Variants in RNASEH2B observed in about 807,000 individuals in gnomAD.
RNASEH2B encodes the protein Aicardi-Goutieres syndrome 2 protein.
In RNASEH2B, 36 loss-of-function variants were observed where a neutral mutation model predicts 45.0. The ratio of observed to expected loss-of-function variants is 0.80; its 90% confidence interval spans 0.61 to 1.06. The LOEUF (loss-of-function observed/expected upper bound fraction) is 1.06. Among genes scored for constraint, RNASEH2B ranks in the 50% least tolerant of loss-of-function variants. RNASEH2B has a pLI of 0.00. For missense variants in RNASEH2B, 361 were observed against 360.3 expected (o/e 1.00, Z -0.02); for synonymous variants, 119 against 125.7 (o/e 0.95, Z 0.35).
chr13:50,935,775 A>G (rs1166660870), intron 5 of RNASEH2B: 3 of 152,862 alleles, frequency 2.0e-5, no homozygotes, highest in Non-Finnish European at 2.9e-5. Flanking sequence ...AATGCTGGGC[A>G]TGGGTCCAGA....
At chr13:50,942,348 A>G (rs1355258258) in intron 5 of RNASEH2B, 2 of 152,220 alleles carry the variant, frequency 1.3e-5, no homozygotes, top group Non-Finnish European at 2.9e-5. Flanking sequence ...TGAGCCTACC[A>G]TAAATCTAAA....
At chr13:50,945,737 T>G (rs1055914756) in intron 7 of RNASEH2B, among the ~76,000 whole-genome samples, 2 of 152,236 alleles carry the variant, frequency 1.3e-5, no homozygotes, top group African/African-American at 4.8e-5. Context: ...CATTGATACT[T>G]AAGTTATTTA....
intron 7 of RNASEH2B, 93 bp from the exon 8 acceptor site, chr13:50,947,870 AGTGAGTTCCCTTTATCCAGATAGG>A: frequency 1.3e-6 from 2 of 1,541,592 alleles, no homozygotes; most frequent in Non-Finnish European, 1.8e-6. Context: ...CTAGAGCTTA[AGTGAGTTCCCTTTATCCAGATAGG>A]GTCAGAATTT....
At chr13:50,933,292 C>A (rs1951705333) in intron 4 of RNASEH2B, among the ~76,000 whole-genome samples, 2 of 152,192 alleles carry the variant, frequency 1.3e-5, no homozygotes, top group South Asian at 4.1e-4. Context: ...GGGGGATTAA[C>A]CCTGTCTTGG....
intron 9 of RNASEH2B, among the ~76,000 whole-genome samples, chr13:50,966,193 A>G (rs1952163159): frequency 6.6e-6 from 1 of 152,236 alleles, no homozygotes; most frequent in Admixed American, 6.5e-5. Context: ...CACATAACAC[A>G]CATAAACACA....
chr13:50,922,370 GC>G (rs1029669868), intron 1 of RNASEH2B, among the ~76,000 whole-genome samples: 19 of 152,320 alleles, frequency 1.2e-4, no homozygotes, highest in African/African-American at 4.6e-4. Flanking sequence ...ACCTGAGAGG[GC>G]CTCAGTGTCT....
At chr13:50,912,521 T>C (rs1246750710) in intron 1 of RNASEH2B, 1 of 152,200 alleles carries the variant, frequency 6.6e-6, no homozygotes, top group Non-Finnish European at 1.5e-5. Context: ...AGAATTTATA[T>C]GGTCAAGGAA....
At chr13:50,916,047 T>C (rs1026698223) in intron 1 of RNASEH2B, among the ~76,000 whole-genome samples, 3 of 152,020 alleles carry the variant, frequency 2.0e-5, no homozygotes, top group Non-Finnish European at 4.4e-5. Flanking sequence ...TTTAAATAAT[T>C]AGAATAATAA....
intron 9 of RNASEH2B, chr13:50,950,469 T>C (rs1180602045): frequency 2.0e-5 from 3 of 152,202 alleles, no homozygotes; most frequent in Admixed American, 6.5e-5. Flanking sequence ...AAAAAATGCA[T>C]GTTTTACTCT....
At chr13:50,938,410 T>C (rs919721753) in intron 5 of RNASEH2B, 6 of 151,476 alleles carry the variant, frequency 4.0e-5, no homozygotes, top group African/African-American at 1.5e-4. Flanking sequence ...GCCAGCTCCA[T>C]TTTTTTTTCT....
rs558373695 is a variant in RNASEH2B at position 50,941,893 on chromosome 13, C to G, written c.437-1428C>G. The G allele has an allele frequency of 5.2e-5, 8 of 152,436 alleles. No individual in the cohort carries two copies. The East Asian group carries it at 1.5e-3, about 29-fold the overall frequency. The allele number at this position is 152,436 out of a possible 1,614,324, so 9.4% of individuals were successfully genotyped here. ...TGGCTGCAGATGTCCAGCCCCCAAT[C>G]CATCCTGCCTCATCTTGCCTGCAGC... On this transcript the variant is annotated intron_variant, in intron 5 of 10. Transcript: ENST00000336617.
chr13:50,940,514 G>A (rs1157248259), intron 5 of RNASEH2B, among the ~76,000 whole-genome samples: 1 of 152,126 alleles, frequency 6.6e-6, no homozygotes, highest in African/African-American at 2.4e-5. Flanking sequence ...AATAATATTG[G>A]CTCCTTTTCT....
chr13:50,959,216 T>TA (rs1333138524), downstream of RNASEH2B, among the ~76,000 whole-genome samples: 1 of 152,174 alleles, frequency 6.6e-6, no homozygotes, highest in Non-Finnish European at 1.5e-5. Flanking sequence ...TTCTATAACT[T>TA]AAGGACATTA....
At chr13:50,919,538 G>C (rs1416311940) in intron 1 of RNASEH2B, among the ~76,000 whole-genome samples, 1 of 152,188 alleles carries the variant, frequency 6.6e-6, no homozygotes, top group Non-Finnish European at 1.5e-5. Context: ...AGATGACTCT[G>C]CTGGTTTTTG....
chr13:50,917,650 T>C (rs996328304), intron 1 of RNASEH2B, among the ~76,000 whole-genome samples: 3 of 152,214 alleles, frequency 2.0e-5, no homozygotes, highest in African/African-American at 7.2e-5. Flanking sequence ...TCAAGTAATC[T>C]GTCAACATAC....
intron 1 of RNASEH2B, chr13:50,913,048 G>A (rs1879515451): frequency 6.6e-6 from 1 of 152,200 alleles, no homozygotes; most frequent in South Asian, 2.1e-4. Flanking sequence ...TCTGGAACTT[G>A]GAAGAGATAC....
At chr13:50,937,334 A>G (rs1179801969) in intron 5 of RNASEH2B, 2 of 152,200 alleles carry the variant, frequency 1.3e-5, no homozygotes, top group East Asian at 3.9e-4. Context: ...CAATCTTCCT[A>G]CCTCAGCCTC....
At chr13:50,949,398 CCT>C in intron 8 of RNASEH2B, 63 bp from the exon 9 acceptor site, 1 of 1,465,994 alleles carries the variant, frequency 6.8e-7, no homozygotes, top group Non-Finnish European at 9.6e-7. Context: ...TTAAGTTGGC[CCT>C]GTCTTTCTGT....
At chr13:50,970,219 C>T in exon 10 of RNASEH2B, 1 of 580,112 alleles carries the variant, frequency 1.7e-6, no homozygotes, top group Non-Finnish European at 3.0e-6. Context: ...TGCACCTGTT[C>T]AGTCTGAGGA....
Sources: gnomAD v4.1 joint callset for allele counts (sites outside exome capture counted in the v4.1 genomes callset) on GRCh38, gnomAD v4.1.1 for gene constraint, MANE v1.5 for transcripts, NCBI Gene and HGNC (gene_info 2026-07-23, HGNC 2026-07-21) for gene names.